The following PMEPA1 variants were observed in gnomAD, a reference collection of about 807,000 sequenced individuals.
PMEPA1 encodes the protein prostate transmembrane protein, androgen induced 1, also known as protein TMEPAI.
PMEPA1 carries 11 observed loss-of-function variants against 23.0 expected under a neutral mutation model. That is an observed-to-expected ratio of 0.48 (90% CI 0.30 to 0.79). The LOEUF is 0.79. PMEPA1 is among the 30% of genes least tolerant of loss of function. PMEPA1 has a pLI of 0.06. For missense variants in PMEPA1, 377 were observed against 390.9 expected (o/e 0.96, Z 0.30); for synonymous variants, 204 against 166.4 (o/e 1.23, Z -1.74).
chr20:57,650,032 G>C lies in PMEPA1; in HGVS notation c.*2021C>G, dbSNP rs2071202366. The stretch of plus-strand genomic sequence containing the variant: ...CTCTTCAAGAGAGAAACAAATTTTA[G>C]GCTGACGACTTCACGGAGAGGCAGG... On this transcript the variant is annotated 3_prime_UTR_variant, in exon 4 of 4. Coordinates refer to ENST00000341744, the MANE Select transcript of PMEPA1 (RefSeq NM_020182.5). 1 of 152,604 alleles carries C rather than the reference G, an allele frequency of 6.6e-6. No individual in the cohort carries two copies. The highest frequency in any genetic ancestry group is 2.1e-4 in the South Asian group (1 of 4,832). 9.5% of individuals were successfully genotyped at this position (152,604 alleles called of 1,614,324 possible).
In PMEPA1 at chr20:57,655,116, C is replaced by A. The variant is rs374813167; in HGVS notation, c.265-2030G>T. Among the ~76,000 whole-genome samples, 7 of 152,182 alleles carry A rather than the reference C, an allele frequency of 4.6e-5. No individual in the cohort carries two copies. The highest frequency in any genetic ancestry group is 1.7e-4 in the African/African-American group (7 of 41,434). Reference sequence around the variant, plus strand: ...TCTGTATAGCGGGCTGATGACAGCGCCTGCAATGCACCATACAGTGTGTTC... The same window carrying A: ...TCTGTATAGCGGGCTGATGACAGCGACTGCAATGCACCATACAGTGTGTTC... On this transcript the variant is annotated intron_variant, in intron 2 of 3. Transcript: ENST00000341744. The surrounding 1 kb of genome is among the most constrained non-coding windows in gnomAD (Gnocchi z 4.2).
chr20:57,705,377 T>A (rs73298699), intron 1 of PMEPA1, among the ~76,000 whole-genome samples: 1 of 152,144 alleles, frequency 6.6e-6, no homozygotes, highest in African/African-American at 2.4e-5. Context: ...CACCACAACC[T>A]AAAACCCAGA....
rs542779587 is a variant in PMEPA1, at chr20:57,694,381, T to G, written c.109+15093A>C. On this transcript the variant is annotated intron_variant, in intron 1 of 3. Coordinates refer to ENST00000341744, the MANE Select transcript of PMEPA1 (RefSeq NM_020182.5). ...GTTTACTTATTACTTAACCCGATCT[T>G]AAGCAATAATACTCACGAAATCGAC... Among the ~76,000 whole-genome samples, 60 of 152,378 alleles carry G rather than the reference T, an allele frequency of 3.9e-4. 1 individual carries two copies. Among genetic ancestry groups the G allele is most frequent in the African/African-American group, 1.3e-3 (56 of 41,590 alleles).
intron 1 of PMEPA1, among the ~76,000 whole-genome samples, chr20:57,680,618 G>A (rs918054427): frequency 6.6e-6 from 1 of 152,244 alleles, no homozygotes; most frequent in African/African-American, 2.4e-5. Flanking sequence ...CTAGGCAACA[G>A]CTGATTCCTA....
At chr20:57,710,037 C>T (rs920591727), upstream of PMEPA1, 8 of 998,916 alleles carry the variant, frequency 8.0e-6, no homozygotes, top group Admixed American at 6.0e-5. Flanking sequence ...ACGGGGCTGC[C>T]GGTTCCCACC....
rs1568956052 is a variant in PMEPA1 at position 57,649,784 on chromosome 20, A to C, written c.*2269T>G. 6.6e-6 allele frequency: 1 copy of C among 152,654 alleles called. No individual in the cohort carries two copies. The highest frequency in any genetic ancestry group is 1.5e-5 in the Non-Finnish European group (1 of 68,058). 9.5% of individuals were successfully genotyped at this position (152,654 alleles called of 1,614,324 possible). A position where few individuals can be genotyped will look rare whatever the true frequency, so the allele number is the denominator to read the frequency against. ...GAGGATGATGGGGTGTCTGAAAAGC[A>C]GGAGCCCTTGGTGGACCCTGGGAGG... On this transcript the variant is annotated 3_prime_UTR_variant, in exon 4 of 4. Coordinates refer to ENST00000341744, the MANE Select transcript of PMEPA1 (RefSeq NM_020182.5).
chr20:57,669,087 A>G (rs1801884558), intron 1 of PMEPA1, among the ~76,000 whole-genome samples: 1 of 152,218 alleles, frequency 6.6e-6, no homozygotes, highest in Admixed American at 6.5e-5. Context: ...CTCAGCACCT[A>G]GAATGGTGCC....
At chr20:57,689,339 C>T (rs1051451742) in intron 1 of PMEPA1, among the ~76,000 whole-genome samples, 2 of 152,156 alleles carry the variant, frequency 1.3e-5, no homozygotes, top group East Asian at 1.9e-4. Context: ...GTGTCTAGAC[C>T]GCCAGTCTGA....
intron 1 of PMEPA1, among the ~76,000 whole-genome samples, chr20:57,673,631 C>A (rs945542070): frequency 6.6e-6 from 1 of 152,144 alleles, no homozygotes; most frequent in African/African-American, 2.4e-5. Flanking sequence ...TGGTGTCAAG[C>A]ACAGGCCACC....
At chr20:57,711,321 T>TA (rs2072177955), upstream of PMEPA1, 1 of 152,204 alleles carries the variant, frequency 6.6e-6, no homozygotes, top group Admixed American at 6.5e-5. Flanking sequence ...GGGTAGAACT[T>TA]ACCTAGACCA....
chr20:57,653,093 A>C lies in PMEPA1; in HGVS notation c.265-7T>G. The C allele has an allele frequency of 6.3e-7, 1 of 1,579,958 alleles. No homozygotes were observed. The highest frequency in any genetic ancestry group is 1.2e-5 in the South Asian group (1 of 86,322). ...AGGGCCACAGGCATCCTTCCTGCAC[A>C]GGAAGAAACGTACAAGCAGGGTCAG... On this transcript the variant is annotated splice_polypyrimidine_tract_variant and splice_region_variant and intron_variant, in intron 2 of 3. Coordinates refer to ENST00000341744, the MANE Select transcript of PMEPA1 (RefSeq NM_020182.5).
At chr20:57,665,507 CAAAAA>C (rs77601752) in intron 1 of PMEPA1, among the ~76,000 whole-genome samples, 2 of 86,070 alleles carry the variant, frequency 2.3e-5, no homozygotes, top group African/African-American at 3.8e-5. Context: ...CCTCATCTGT[CAAAAA>C]AAAAAAAAAA....
rs546967584 is a variant in PMEPA1 at position 57,689,396 on chromosome 20, C to G, written c.109+20078G>C. ...TGACCAGGACAGAGGCCTGGCCTTCCCAGGCAGAAAGGTCGGCTGGGGAGT... is the reference window on the plus strand; with the variant it reads ...TGACCAGGACAGAGGCCTGGCCTTCGCAGGCAGAAAGGTCGGCTGGGGAGT... On this transcript the variant is annotated intron_variant, in intron 1 of 3. Transcript: ENST00000341744. 2.7e-3 allele frequency among the ~76,000 whole-genome samples: 409 copies of G among 152,248 alleles called. 5 individuals are homozygous for G. In the South Asian group the frequency reaches 0.033, roughly 12 times the overall value.
intron 1 of PMEPA1, among the ~76,000 whole-genome samples, chr20:57,680,103 C>T (rs539132768): frequency 2.0e-5 from 3 of 152,324 alleles, no homozygotes; most frequent in South Asian, 2.1e-4. Context: ...CCCAGGGAAC[C>T]GTCGGGGGAT....
At chr20:57,671,170 C>T (rs117892111) in intron 1 of PMEPA1, among the ~76,000 whole-genome samples, 207 of 152,324 alleles carry the variant, frequency 1.4e-3, no homozygotes, top group Admixed American at 3.7e-3. Flanking sequence ...TCACTGACAT[C>T]GAACACCTTT....
At position 57,655,296 on chromosome 20, in the gene PMEPA1, C is replaced by A. The variant is rs970788461; in HGVS notation, c.265-2210G>T. 6.6e-6 allele frequency among the ~76,000 whole-genome samples: 1 copy of A among 152,170 alleles called. No individual in the cohort carries two copies. The highest frequency in any genetic ancestry group is 1.5e-5 in the Non-Finnish European group (1 of 68,030). On this transcript the variant is annotated intron_variant, in intron 2 of 3. Transcript: ENST00000341744. The surrounding 1 kb of genome is among the most constrained non-coding windows in gnomAD (Gnocchi z 4.2). ...CAGGTGTGCTAACCCCAGAGCTCTC[C>A]GTTAGCCCCCCAGGCGGGTCAGGCA...
intron 1 of PMEPA1, among the ~76,000 whole-genome samples, chr20:57,668,054 C>T (rs1481584762): frequency 6.6e-6 from 1 of 152,176 alleles, no homozygotes; most frequent in South Asian, 2.1e-4. Context: ...CCGGTTTTCT[C>T]GTTTTTAAAA....
intron 1 of PMEPA1, chr20:57,700,180 T>C (rs781725811): frequency 1.1e-4 from 51 of 471,082 alleles, no homozygotes; most frequent in South Asian, 5.6e-4. Flanking sequence ...TGGGAATCCA[T>C]GACAACCTGT....
intron 2 of PMEPA1, among the ~76,000 whole-genome samples, chr20:57,653,459 G>A (rs2071282790): frequency 6.6e-6 from 1 of 152,226 alleles, no homozygotes; most frequent in African/African-American, 2.4e-5. Context: ...ACTCCCCTGG[G>A]CCTGGGCCCC....
Sources: allele counts gnomAD v4.1 joint callset (sites outside exome capture counted in the v4.1 genomes callset), GRCh38; gene constraint gnomAD v4.1.1; non-coding constraint Gnocchi (gnomAD v3.1); transcripts MANE v1.5; gene names NCBI Gene and HGNC (gene_info 2026-07-23, HGNC 2026-07-21).